NXPE1: variants seen among roughly 807,000 people sequenced by gnomAD.
The protein encoded by NXPE1 is neurexophilin and PC-esterase domain family member 1, also known as NXPE family member 1.
In NXPE1, 31 loss-of-function variants were observed where a neutral mutation model predicts 33.3. That is an observed-to-expected ratio of 0.93 (90% CI 0.70 to 1.26). NXPE1 has a LOEUF of 1.26. NXPE1 is among the 50% of genes most tolerant of loss of function. The pLI is 0.00. For missense variants in NXPE1, 661 were observed against 655.6 expected, an observed-to-expected ratio of 1.01 and a Z score of -0.09; for synonymous variants, 229 against 231.4, an observed-to-expected ratio of 0.99 and a Z score of 0.09.
At chr11:114,530,331 G>A (rs769543881) in exon 6 of NXPE1, 1 of 1,614,204 alleles carries the variant, frequency 6.2e-7, no homozygotes, top group South Asian at 1.1e-5. Flanking sequence ...TTCAGCATTT[G>A]AGTTTAGGGT....
At chr11:114,548,235 G>C (rs773753490) in intron 5 of NXPE1, among the ~76,000 whole-genome samples, 4 of 152,054 alleles carry the variant, frequency 2.6e-5, no homozygotes, top group Admixed American at 6.6e-5. Flanking sequence ...TTTAAGGATA[G>C]CCACATCTAA....
intron 5 of NXPE1, among the ~76,000 whole-genome samples, chr11:114,549,150 G>T (rs1948380569): frequency 1.3e-5 from 2 of 151,756 alleles, no homozygotes; most frequent in African/African-American, 4.8e-5. Context: ...GCTACTGAAT[G>T]CACAAAGCCA....
chr11:114,521,968 T>C lies in NXPE1; in HGVS notation c.1644A>G (p.Ter548=), dbSNP rs138715778. The C allele has an allele frequency of 1.1e-5, 17 of 1,604,600 alleles. No homozygotes were observed. The African/African-American group carries it at 2.3e-4, about 21-fold the overall frequency. ...AGTGATTTTGTATAGTATTTATCCC[T>C]TAGCAAATGTAGTTTAAGAACATGT... Residue 548 remains the stop codon, a stop_retained_variant, in exon 9 of 9, where the codon TAA becomes TAG. Transcript: ENST00000534921.
chr11:114,546,960 A>C (rs1354869211), intron 5 of NXPE1, among the ~76,000 whole-genome samples: 1 of 152,232 alleles, frequency 6.6e-6, no homozygotes, highest in African/African-American at 2.4e-5. Context: ...ACACTGATGT[A>C]AATGAATGAT....
chr11:114,522,379 G>A, exon 9 of NXPE1: 1 of 1,614,126 alleles, frequency 6.2e-7, no homozygotes, highest in Non-Finnish European at 8.5e-7. Flanking sequence ...CTATCAGAGA[G>A]TAGAGCTGGA....
intron 5 of NXPE1, among the ~76,000 whole-genome samples, chr11:114,537,370 C>T (rs1212292247): frequency 6.6e-6 from 1 of 152,122 alleles, no homozygotes; most frequent in Non-Finnish European, 1.5e-5. Context: ...AAAACTGGCA[C>T]AAGACAGGGA....
In NXPE1 at chr11:114,527,908, A is replaced by C. The variant is rs777694703; in HGVS notation, c.834-7T>G. 4 of 1,602,528 alleles carry C rather than the reference A, an allele frequency of 2.5e-6. No homozygotes were observed. In the Admixed American group the frequency reaches 6.8e-5, roughly 27 times the overall value. ...TTCAACTCCCACTTTGGACCTTCAA[A>C]AAAAAAATAGAACAATAAATTAGCC... On this transcript the variant is annotated splice_polypyrimidine_tract_variant and splice_region_variant and intron_variant, in intron 6 of 8. Transcript: ENST00000534921.
At chr11:114,524,543 A>G (rs1281560336) in intron 7 of NXPE1, among the ~76,000 whole-genome samples, 1 of 152,178 alleles carries the variant, frequency 6.6e-6, no homozygotes. Flanking sequence ...GTATAATCCT[A>G]TAATTATGTT....
At chr11:114,548,373 T>C (rs571964779) in intron 5 of NXPE1, among the ~76,000 whole-genome samples, 2 of 152,222 alleles carry the variant, frequency 1.3e-5, no homozygotes, top group Admixed American at 6.5e-5. Flanking sequence ...AATATAACTT[T>C]AGAGGAACAT....
chr11:114,519,693 A>G (rs541287507), downstream of NXPE1, among the ~76,000 whole-genome samples: 20 of 152,174 alleles, frequency 1.3e-4, no homozygotes, highest in Non-Finnish European at 2.8e-4. Context: ...AGAGTGGTGC[A>G]GAGGCTTCAG....
chr11:114,529,103 A>G (rs1947476261), intron 6 of NXPE1: 1 of 316,718 alleles, frequency 3.2e-6, no homozygotes, highest in Non-Finnish European at 5.7e-6. Flanking sequence ...CTTATGGAAA[A>G]AAGACTCTAA....
chr11:114,527,860 A>G lies in NXPE1; in HGVS notation c.875T>C (p.Ile292Thr), dbSNP rs752319679. 4 of 1,607,612 alleles carry G rather than the reference A, an allele frequency of 2.5e-6. No individual in the cohort carries two copies. In the Admixed American group the frequency reaches 5.1e-5, roughly 20 times the overall value. The change falls in exon 7 of 9, where the codon ATT becomes ACT. Residue 292 changes from isoleucine (I) to threonine (T), a missense_variant. By Grantham distance (89) the Ile-to-Thr change is moderately conservative. Coordinates refer to ENST00000534921, the Ensembl canonical transcript of NXPE1. ...CTTACTGTTACAATTAGTGACATCA[A>G]TGTGTTTACGATCCTTCATCATTTC...
chr11:114,530,296 C>T (rs1384411181), exon 6 of NXPE1: 1 of 1,614,212 alleles, frequency 6.2e-7, no homozygotes, highest in African/African-American at 1.3e-5. Context: ...GCTTCTTGGT[C>T]TCTGTCATCC....
intron 7 of NXPE1, among the ~76,000 whole-genome samples, chr11:114,523,320 C>G (rs1042702790): frequency 1.3e-5 from 2 of 152,066 alleles, no homozygotes; most frequent in African/African-American, 4.8e-5. Flanking sequence ...TCCTTTCCTC[C>G]TAAATTTGGT....
chr11:114,555,147 T>A (rs565021569), intron 1 of NXPE1, among the ~76,000 whole-genome samples: 1 of 152,258 alleles, frequency 6.6e-6, no homozygotes, highest in South Asian at 2.1e-4. Flanking sequence ...GGTATAGATA[T>A]TTCTGGGGCA....
chr11:114,527,537 A>T (rs540814776), intron 7 of NXPE1, among the ~76,000 whole-genome samples: 7 of 152,294 alleles, frequency 4.6e-5, no homozygotes, highest in African/African-American at 1.7e-4. Context: ...TCCTATTCTG[A>T]AGCTGTAGAT....
At chr11:114,541,796 A>AGAAAGAACCAAACAAATTTTAC (rs1948106811) in intron 5 of NXPE1, among the ~76,000 whole-genome samples, 1 of 152,230 alleles carries the variant, frequency 6.6e-6, no homozygotes, top group African/African-American at 2.4e-5. Context: ...CTTAGTCCTC[A>AGAAAGAACCAAACAAATTTTAC]GAAAGAACCA....
chr11:114,519,084 G>T (rs986865947), downstream of NXPE1, among the ~76,000 whole-genome samples: 11 of 152,264 alleles, frequency 7.2e-5, no homozygotes, highest in Admixed American at 3.9e-4. Flanking sequence ...TAGGCATAAT[G>T]TGACCAATTG....
chr11:114,546,522 G>A (rs992859329), intron 5 of NXPE1, among the ~76,000 whole-genome samples: 3 of 148,452 alleles, frequency 2.0e-5, no homozygotes, highest in Non-Finnish European at 3.0e-5. Context: ...GACTGGTCCC[G>A]AATTCCTGGC....
Sources: allele counts gnomAD v4.1 joint callset (sites outside exome capture counted in the v4.1 genomes callset), GRCh38; gene constraint gnomAD v4.1.1; transcripts MANE v1.5; gene names NCBI Gene and HGNC (gene_info 2026-07-23, HGNC 2026-07-21).